Variants in PRKG1 observed in about 807,000 individuals in gnomAD.
PRKG1 encodes the protein protein kinase cGMP-dependent 1.
In PRKG1, 35 loss-of-function variants were observed where a neutral mutation model predicts 88.1. The ratio of observed to expected loss-of-function variants is 0.40; its 90% CI spans 0.30 to 0.53. PRKG1 has a LOEUF of 0.53. Ranked by LOEUF, PRKG1 falls within the 20% of genes least tolerant of loss-of-function variation. The probability of loss-of-function intolerance (pLI) is 0.59; values close to 1 mark genes in which losing one functional copy is unlikely to be tolerated. For missense variants in PRKG1, 540 were observed against 839.8 expected, an observed-to-expected ratio of 0.64 and a Z score of 4.41; for synonymous variants, 303 against 292.5, an observed-to-expected ratio of 1.04 and a Z score of -0.37.
intron 8 of PRKG1, among the ~76,000 whole-genome samples, chr10:52,142,924 G>T (rs538659158): frequency 6.6e-6 from 1 of 152,116 alleles, no homozygotes; most frequent in African/African-American, 2.4e-5. Flanking sequence ...TCCACAATTA[G>T]CACAGTATCA....
At chr10:51,743,077 GATA>G (rs1252198003) in intron 3 of PRKG1, among the ~76,000 whole-genome samples, 1 of 151,676 alleles carries the variant, frequency 6.6e-6, no homozygotes, top group Non-Finnish European at 1.5e-5. Flanking sequence ...AGAAAGGAAG[GATA>G]CACAGAGACC....
At chr10:51,854,787 T>TA (rs1255604840) in intron 4 of PRKG1, among the ~76,000 whole-genome samples, 4 of 152,156 alleles carry the variant, frequency 2.6e-5, no homozygotes, top group African/African-American at 7.2e-5. Context: ...CTCACTGTTT[T>TA]AAAAAATCAT....
rs377084999 is a variant in PRKG1 at position 51,393,070 on chromosome 10, C to T, written c.479-74653C>T. Among the ~76,000 whole-genome samples the T allele has an allele frequency of 8.5e-3, 495 of 58,002 alleles. 3 individuals carry two copies. Among genetic ancestry groups the T allele is most frequent in the South Asian group, 0.012 (29 of 2,356 alleles). 38.1% of individuals were successfully genotyped at this position (58,002 alleles called of 152,430 possible). A position where few individuals can be genotyped will look rare whatever the true frequency, so the allele number is the denominator to read the frequency against. Reference sequence around the variant, plus strand: ...GCTCCTCACTTCTCAGGCGGGGCGGCTGCCGGGCGGAGGGGCTCCTCACTT... The same window carrying T: ...GCTCCTCACTTCTCAGGCGGGGCGGTTGCCGGGCGGAGGGGCTCCTCACTT... On this transcript the variant is annotated intron_variant, in intron 2 of 17. Transcript: ENST00000373980.
At chr10:52,066,226 C>T (rs1846351375) in intron 7 of PRKG1, among the ~76,000 whole-genome samples, 1 of 152,090 alleles carries the variant, frequency 6.6e-6, no homozygotes, top group South Asian at 2.1e-4. Flanking sequence ...TCTTTAAATT[C>T]TCCACCCTTC....
In PRKG1 at chr10:52,150,322, T is replaced by C. The variant is rs1268712265; in HGVS notation, c.1002-11567T>C. Among the ~76,000 whole-genome samples, 3 of 151,992 alleles carry C rather than the reference T, an allele frequency of 2.0e-5. No homozygotes were observed. The East Asian group carries it at 5.8e-4, about 29-fold the overall frequency. On this transcript the variant is annotated intron_variant, in intron 8 of 17. Transcript: ENST00000373980. Reference sequence around the variant, plus strand: ...AATATGGTGCCAATTACGGCTGGGATTGCAGATGTTGGAAACAGGTTGCCT... The same window carrying C: ...AATATGGTGCCAATTACGGCTGGGACTGCAGATGTTGGAAACAGGTTGCCT...
chr10:51,251,009 C>T (rs1366229292), intron 2 of PRKG1, among the ~76,000 whole-genome samples: 1 of 151,712 alleles, frequency 6.6e-6, no homozygotes, highest in Non-Finnish European at 1.5e-5. Flanking sequence ...CTGCCCAACT[C>T]TACAGACAGA....
chr10:51,388,557 C>T (rs1837311726), intron 2 of PRKG1, among the ~76,000 whole-genome samples: 1 of 152,270 alleles, frequency 6.6e-6, no homozygotes, highest in South Asian at 2.1e-4. Flanking sequence ...GAAATATTAG[C>T]TTTTCAGTAA....
At chr10:51,933,774 G>T (rs1470012230) in intron 5 of PRKG1, among the ~76,000 whole-genome samples, 1 of 151,988 alleles carries the variant, frequency 6.6e-6, no homozygotes, top group Non-Finnish European at 1.5e-5. Flanking sequence ...ACTTTTAGCT[G>T]CTTAATAACT....
Position 52,177,666 on chromosome 10 carries a change from T to A in PRKG1, c.1076+15703T>A, listed in dbSNP as rs1589676163. 2.0e-5 allele frequency among the ~76,000 whole-genome samples: 3 copies of A among 152,200 alleles called. No individual in the cohort carries two copies. The East Asian group carries it at 5.8e-4, about 29-fold the overall frequency. On this transcript the variant is annotated intron_variant, in intron 9 of 17. Transcript: ENST00000373980. ...GGAAACTTTTATTACTGATTTGATC[T>A]CATTACTTGTTATTGGTCTGTTAAA...
chr10:51,142,999 T>C (rs1446899524), intron 1 of PRKG1, among the ~76,000 whole-genome samples: 1 of 152,150 alleles, frequency 6.6e-6, no homozygotes, highest in Non-Finnish European at 1.5e-5. Context: ...ACAACATCCA[T>C]TGTCCTTACA....
At chr10:52,287,215 A>T (rs1017002421) in intron 14 of PRKG1, among the ~76,000 whole-genome samples, 7 of 152,058 alleles carry the variant, frequency 4.6e-5, no homozygotes, top group Non-Finnish European at 7.4e-5. Context: ...GATTAAAAAG[A>T]ATATTCAATC....
At chr10:51,856,045 T>C (rs951652635) in intron 4 of PRKG1, among the ~76,000 whole-genome samples, 9 of 152,256 alleles carry the variant, frequency 5.9e-5, no homozygotes, top group Non-Finnish European at 1.3e-4. Flanking sequence ...CAGCATCCCT[T>C]AGCTTCTGGT....
At chr10:51,673,607 C>T (rs1391984393) in intron 3 of PRKG1, among the ~76,000 whole-genome samples, 1 of 152,096 alleles carries the variant, frequency 6.6e-6, no homozygotes, top group African/African-American at 2.4e-5. Flanking sequence ...TTCTCTGGAC[C>T]ACTGTAATTT....
chr10:51,320,806 T>C (rs1021258867), intron 2 of PRKG1: 10 of 152,244 alleles, frequency 6.6e-5, no homozygotes, highest in African/African-American at 2.4e-4. Flanking sequence ...CTCAACATTC[T>C]ATCCTTAAAT....
intron 5 of PRKG1, among the ~76,000 whole-genome samples, chr10:51,996,676 CT>C (rs1304450619): frequency 6.6e-6 from 1 of 152,048 alleles, no homozygotes; most frequent in Non-Finnish European, 1.5e-5. Context: ...CCCTTGGACA[CT>C]GTTTGTGAGA....
At chr10:52,010,629 T>TA (rs986236801) in intron 5 of PRKG1, among the ~76,000 whole-genome samples, 2 of 152,058 alleles carry the variant, frequency 1.3e-5, no homozygotes, top group East Asian at 1.9e-4. Context: ...TAAAATTATT[T>TA]AAAAAAAGAA....
At chr10:51,629,425 G>A (rs765856862) in intron 3 of PRKG1, among the ~76,000 whole-genome samples, 5 of 151,722 alleles carry the variant, frequency 3.3e-5, no homozygotes, top group Non-Finnish European at 7.4e-5. Context: ...GGAGCTCTGA[G>A]CTTGTTTTCC....
chr10:50,995,468 G>A (rs1255876979), intron 1 of PRKG1, among the ~76,000 whole-genome samples: 2 of 152,218 alleles, frequency 1.3e-5, no homozygotes, highest in Non-Finnish European at 2.9e-5. Flanking sequence ...GAAATGTCCA[G>A]TAGGGATCAA....
chr10:51,248,213 C>T (rs1397668885), intron 2 of PRKG1, among the ~76,000 whole-genome samples: 1 of 151,788 alleles, frequency 6.6e-6, no homozygotes. Context: ...AGGGCACACT[C>T]AATACATATT....
Sources: allele counts gnomAD v4.1 joint callset (sites outside exome capture counted in the v4.1 genomes callset), GRCh38; gene constraint gnomAD v4.1.1; transcripts MANE v1.5; gene names NCBI Gene and HGNC (gene_info 2026-07-23, HGNC 2026-07-21).